TNR: variants seen among roughly 807,000 people sequenced by gnomAD.
TNR encodes the protein tenascin-R.
A neutral mutation model predicts 150.4 loss-of-function variants in TNR; 45 were observed. That is an observed-to-expected ratio of 0.30 (90% confidence interval 0.24 to 0.38). The LOEUF (loss-of-function observed/expected upper bound fraction) is 0.38. Ranked by LOEUF, TNR falls within the 10% of genes least tolerant of loss-of-function variation. The pLI, the probability that TNR is intolerant of heterozygous loss-of-function variation, is 1.00. For missense variants in TNR, 1,544 were observed against 1,759.1 expected, an observed-to-expected ratio of 0.88 and a Z score of 2.19; for synonymous variants, 687 against 678.4, an observed-to-expected ratio of 1.01 and a Z score of -0.20.
intron 2 of TNR, among the ~76,000 whole-genome samples, chr1:175,498,750 T>C (rs904161265): frequency 2.0e-5 from 3 of 152,100 alleles, no homozygotes; most frequent in African/African-American, 7.2e-5. Flanking sequence ...GAGGTGGGGA[T>C]TCAAAACCTG....
At chr1:175,713,316 A>G (rs1667068205) in intron 1 of TNR, among the ~76,000 whole-genome samples, 1 of 152,174 alleles carries the variant, frequency 6.6e-6, no homozygotes, top group Non-Finnish European at 1.5e-5. Context: ...CACAGCAGCT[A>G]CTTAATACCA....
intron 1 of TNR, among the ~76,000 whole-genome samples, chr1:175,683,760 G>A (rs946998333): frequency 5.3e-5 from 8 of 152,212 alleles, no homozygotes; most frequent in African/African-American, 1.9e-4. Context: ...GTGTGTTTGA[G>A]GAAACCCCAG....
intron 2 of TNR, among the ~76,000 whole-genome samples, chr1:175,491,799 A>T (rs530421878): frequency 6.6e-6 from 1 of 151,810 alleles, no homozygotes; most frequent in Non-Finnish European, 1.5e-5. Flanking sequence ...ATAGGCACCC[A>T]CCACCACACC....
chr1:175,673,247 G>A (rs537970452), intron 1 of TNR, among the ~76,000 whole-genome samples: 1 of 152,346 alleles, frequency 6.6e-6, no homozygotes, highest in Non-Finnish European at 1.5e-5. Flanking sequence ...CCAGGAGGAA[G>A]CACTCAATGG....
chr1:175,666,189 G>A (rs1010574400), intron 1 of TNR, among the ~76,000 whole-genome samples: 5 of 152,190 alleles, frequency 3.3e-5, no homozygotes, highest in African/African-American at 1.2e-4. Flanking sequence ...GACTCAGAGA[G>A]GTTGTACGAC....
intron 1 of TNR, among the ~76,000 whole-genome samples, chr1:175,644,357 C>T (rs1664749476): frequency 6.6e-6 from 1 of 152,192 alleles, no homozygotes; most frequent in African/African-American, 2.4e-5. Context: ...TTTCTCTATC[C>T]TTGATGTGAG....
chr1:175,441,420 T>C (rs536858853), intron 2 of TNR, among the ~76,000 whole-genome samples: 2 of 152,358 alleles, frequency 1.3e-5, no homozygotes, highest in South Asian at 2.1e-4. Context: ...TTTATATGTA[T>C]ATGTATGTAT....
intron 2 of TNR, among the ~76,000 whole-genome samples, chr1:175,414,516 G>C (rs892725402): frequency 3.3e-5 from 5 of 152,216 alleles, no homozygotes; most frequent in African/African-American, 1.2e-4. Flanking sequence ...CAAGAGATCC[G>C]TGCATTTCCA....
intron 9 of TNR, among the ~76,000 whole-genome samples, chr1:175,379,005 C>A (rs535398076): frequency 3.9e-5 from 6 of 152,224 alleles, no homozygotes; most frequent in East Asian, 1.9e-4. Context: ...CATGGAGAAA[C>A]CCTGTCTCTA....
Position 175,403,248 on chromosome 1 carries a change from C to T in TNR, c.868G>A (p.Glu290Lys). Residue 290 changes from glutamate (E) to lysine (K), a missense_variant, in exon 4 of 23, where the codon GAG (glutamate) becomes AAG (lysine). Coordinates refer to ENST00000367674, the MANE Select transcript of TNR (RefSeq NM_003285.3). ...AGACACTGCCGCTGGCCGCAGTCCT[C>T]ACCAACGTAGCCCTCCTCGCATAAA... ...TCLCEEGYVGEDCGQRQCLNA... is the reference protein window; with the variant it reads ...TCLCEEGYVGKDCGQRQCLNA... 6.2e-7 allele frequency: 1 copy of T among 1,614,188 alleles called. No homozygotes were observed. The highest frequency in any genetic ancestry group is 2.2e-5 in the East Asian group (1 of 44,880).
intron 1 of TNR, among the ~76,000 whole-genome samples, chr1:175,563,290 A>C (rs1363976408): frequency 6.6e-6 from 1 of 152,262 alleles, no homozygotes; most frequent in Non-Finnish European, 1.5e-5. Flanking sequence ...AACACAGGCT[A>C]TGATTCAAAA....
At chr1:175,392,393 C>T (rs978261840) in intron 6 of TNR, among the ~76,000 whole-genome samples, 3 of 152,152 alleles carry the variant, frequency 2.0e-5, no homozygotes, top group Non-Finnish European at 2.9e-5. Flanking sequence ...GTGGCCTCAA[C>T]CTACAGATCA....
intron 1 of TNR, among the ~76,000 whole-genome samples, chr1:175,626,814 G>C (rs1664169717): frequency 6.6e-6 from 1 of 152,146 alleles, no homozygotes; most frequent in African/African-American, 2.4e-5. Flanking sequence ...TTAAGTTAAG[G>C]ATCTTGAGAT....
chr1:175,563,622 C>G (rs1558008265), intron 1 of TNR, among the ~76,000 whole-genome samples: 1 of 152,338 alleles, frequency 6.6e-6, no homozygotes, highest in South Asian at 2.1e-4. Flanking sequence ...TTACAAATCT[C>G]TATAGAGTGT....
At chr1:175,583,306 C>G (rs567915398) in intron 1 of TNR, among the ~76,000 whole-genome samples, 1 of 152,248 alleles carries the variant, frequency 6.6e-6, no homozygotes, top group African/African-American at 2.4e-5. Context: ...GGCATTGAAG[C>G]CTCAGAAAGC....
chr1:175,481,248 G>T (rs1354544457), intron 2 of TNR, among the ~76,000 whole-genome samples: 1 of 152,174 alleles, frequency 6.6e-6, no homozygotes, highest in African/African-American at 2.4e-5. Flanking sequence ...GTGAACAAAT[G>T]AATGAATGAA....
intron 20 of TNR, 138 bp downstream of exon 20, chr1:175,335,573 G>T: frequency 2.6e-6 from 2 of 763,478 alleles, no homozygotes; most frequent in South Asian, 3.5e-5. Context: ...CAGAGCAAGA[G>T]GTTCTGAAAG....
chr1:175,512,251 G>C (rs1391290085), intron 2 of TNR, among the ~76,000 whole-genome samples: 1 of 152,204 alleles, frequency 6.6e-6, no homozygotes, highest in African/African-American at 2.4e-5. Context: ...ACCATTTCAA[G>C]TAGGCAGGAG....
chr1:175,399,373 A>G (rs1653590834), intron 4 of TNR, among the ~76,000 whole-genome samples: 1 of 152,204 alleles, frequency 6.6e-6, no homozygotes, highest in African/African-American at 2.4e-5. Context: ...GTGATCTAAG[A>G]AGAGCATTTT....
Sources: gnomAD v4.1 joint callset for allele counts (sites outside exome capture counted in the v4.1 genomes callset) on GRCh38, gnomAD v4.1.1 for gene constraint, MANE v1.5 for transcripts, NCBI Gene and HGNC (gene_info 2026-07-23, HGNC 2026-07-21) for gene names.